Variants in CBFA2T2 observed in about 807,000 individuals in gnomAD.
CBFA2T2 encodes the protein CBFA2/RUNX1 partner transcriptional co-repressor 2.
Under a neutral mutation model 62.2 loss-of-function variants are expected in CBFA2T2, and 11 were observed. The observed-to-expected ratio is 0.18, with a 90% CI of 0.11 to 0.29. The LOEUF (loss-of-function observed/expected upper bound fraction) is 0.29, where lower values mean the gene tolerates loss of function less well. Ranked by LOEUF, CBFA2T2 falls within the 10% of genes least tolerant of loss-of-function variation. The pLI, the probability that CBFA2T2 is intolerant of heterozygous loss-of-function variation, is 1.00. For missense variants in CBFA2T2, 592 were observed against 774.1 expected (o/e 0.76, Z 2.79); for synonymous variants, 295 against 287.5 (o/e 1.03, Z -0.27).
chr20:33,608,160 A>G (rs1735845766), intron 2 of CBFA2T2, among the ~76,000 whole-genome samples: 1 of 152,230 alleles, frequency 6.6e-6, no homozygotes, highest in African/African-American at 2.4e-5. Context: ...AAAGAACCCC[A>G]AATAAACTAG....
At chr20:33,613,392 G>C (rs766022118) in intron 3 of CBFA2T2, among the ~76,000 whole-genome samples, 2 of 152,202 alleles carry the variant, frequency 1.3e-5, no homozygotes, top group Non-Finnish European at 2.9e-5. Flanking sequence ...CTATTACAGA[G>C]GCATAGTAAG....
chr20:33,637,670 C>CTT (rs561146788), intron 9 of CBFA2T2, among the ~76,000 whole-genome samples: 4 of 141,960 alleles, frequency 2.8e-5, no homozygotes, highest in South Asian at 2.2e-4. Context: ...CTCACTTTTC[C>CTT]TTTTTTTTTT....
chr20:33,528,360 T>C (rs1414214358), intron 1 of CBFA2T2, among the ~76,000 whole-genome samples: 1 of 152,186 alleles, frequency 6.6e-6, no homozygotes, highest in African/African-American at 2.4e-5. Context: ...ATAAAGGAAG[T>C]GATCAGTAAA....
In CBFA2T2 at chr20:33,540,002, G is replaced by A. The variant is rs148049438; in HGVS notation, c.34+49701G>A. Among the ~76,000 whole-genome samples the A allele has an allele frequency of 8.6e-4, 131 of 152,212 alleles. 1 individual carries two copies. The Middle Eastern group carries it at 0.02, about 24-fold the overall frequency. ...TTTTTTGGTCAGATTTAGGTTTTAG[G>A]AGTGAAGTAAGTTGAATTTTACATG... is the stretch of plus-strand genomic sequence containing the variant. On this transcript the variant is annotated intron_variant, in intron 1 of 10. Transcript: ENST00000342704.
chr20:33,558,171 G>A (rs1331582982), intron 1 of CBFA2T2, among the ~76,000 whole-genome samples: 2 of 148,278 alleles, frequency 1.3e-5, no homozygotes, highest in Non-Finnish European at 3.0e-5. Context: ...TCTCACTCTC[G>A]CTCAGGCTGG....
intron 1 of CBFA2T2, among the ~76,000 whole-genome samples, chr20:33,491,300 A>C (rs924007933): frequency 1.3e-5 from 2 of 152,204 alleles, no homozygotes; most frequent in African/African-American, 2.4e-5. Context: ...AACAAGATAG[A>C]CCGAACTGGG....
At position 33,642,116 on chromosome 20, in the gene CBFA2T2, T is replaced by TTTTG. The variant is rs1313728159; in HGVS notation, c.1488+1586_1488+1587insTTGT. Among the ~76,000 whole-genome samples the TTTTG allele has an allele frequency of 9.5e-3, 560 of 58,818 alleles. 2 individuals carry two copies. Among genetic ancestry groups the TTTTG allele is most frequent in the African/African-American group, 0.018 (267 of 14,476 alleles). 38.6% of individuals were successfully genotyped at this position (58,818 alleles called of 152,430 possible). On this transcript the variant is annotated intron_variant, in intron 10 of 10. Transcript: ENST00000342704. Reference sequence around the variant, plus strand: ...TCCTCCTCCTTTGTCTTTTTTTTTTTTGTGTGTGTGTGTGTGTGTGTGTGT... The same window carrying TTTTG: ...TCCTCCTCCTTTGTCTTTTTTTTTTTTTTGTGTGTGTGTGTGTGTGTGTGTGTGT...
At position 33,640,393 on chromosome 20, in the gene CBFA2T2, C is replaced by G. The variant is rs117096676; in HGVS notation, c.1350C>G (p.Ala450=). 1,735 of 1,614,168 alleles carry G rather than the reference C, an allele frequency of 1.1e-3. 77 individuals carry two copies. In the East Asian group the frequency reaches 0.038, roughly 36 times the overall value. ...AGGCCATGTCAGAAGTACAGAAGGC[C>G]GTCGCTGAGGCAGAGCAGAAAGCCT... ...KIQAMSEVQK[A]VAEAEQKAFE... is the part of the protein sequence containing the mutation. The change falls in exon 10 of 11, where the codon GCC becomes GCG. Residue 450 remains alanine (A), a synonymous_variant. Transcript: ENST00000342704.
chr20:33,522,063 A>G (rs2011744720), intron 1 of CBFA2T2, among the ~76,000 whole-genome samples: 1 of 152,102 alleles, frequency 6.6e-6, no homozygotes, highest in Non-Finnish European at 1.5e-5. Context: ...TAGGCAACAT[A>G]GAACAAAATA....
intron 4 of CBFA2T2, among the ~76,000 whole-genome samples, chr20:33,622,284 T>C (rs1158151249): frequency 1.3e-5 from 2 of 152,236 alleles, no homozygotes; most frequent in African/African-American, 4.8e-5. Context: ...GCCTGCTAAA[T>C]TAACCCTCAG....
intron 3 of CBFA2T2, among the ~76,000 whole-genome samples, chr20:33,618,893 C>A (rs561043514): frequency 9.9e-5 from 15 of 152,282 alleles, no homozygotes; most frequent in African/African-American, 3.4e-4. Context: ...CAGAGTGCCT[C>A]TCTTCATGGG....
At chr20:33,625,196 T>C (rs961203419) in intron 6 of CBFA2T2, among the ~76,000 whole-genome samples, 179 bp downstream of exon 6, 6 of 152,240 alleles carry the variant, frequency 3.9e-5, no homozygotes, top group Admixed American at 3.3e-4. Context: ...GATACCTTGT[T>C]GCTATGATAT....
intron 1 of CBFA2T2, among the ~76,000 whole-genome samples, chr20:33,606,171 T>C (rs2015332528): frequency 6.6e-6 from 1 of 152,190 alleles, no homozygotes; most frequent in South Asian, 2.1e-4. Context: ...TGTCTTGCAG[T>C]TGAGGCCTAA....
Position 33,574,743 on chromosome 20 carries a change from A to G in CBFA2T2, c.35-32213A>G, listed in dbSNP as rs2013745489. ...GGCAAAAGAAGAATTTCATGGGGGT[A>G]TTTTGAGATGAGTATGATCAATCTA... On this transcript the variant is annotated intron_variant, in intron 1 of 10. Transcript: ENST00000342704. 2.0e-5 allele frequency among the ~76,000 whole-genome samples: 3 copies of G among 152,354 alleles called. No homozygotes were observed. The South Asian group carries it at 6.2e-4, about 32-fold the overall frequency.
At chr20:33,492,718 C>T (rs1453894356) in intron 1 of CBFA2T2, among the ~76,000 whole-genome samples, 2 of 151,898 alleles carry the variant, frequency 1.3e-5, no homozygotes, top group Non-Finnish European at 2.9e-5. Flanking sequence ...GCTTTGTTGC[C>T]CATGCTAGTC....
chr20:33,594,201 C>G (rs1275665538), intron 1 of CBFA2T2, among the ~76,000 whole-genome samples: 2 of 152,112 alleles, frequency 1.3e-5, no homozygotes, highest in African/African-American at 4.8e-5. Context: ...GCTGGACTGT[C>G]AGAATTTACT....
rs868565151 is a variant in CBFA2T2 at position 33,606,973 on chromosome 20, G to A, written c.52G>A (p.Val18Met). The change falls in exon 2 of 11, where the codon GTG becomes ATG. Residue 18 changes from valine to methionine, a missense_variant. Transcript: ENST00000342704. ...AAFQLGPEKR[V>M]PAMPGSPVEV... Reference sequence around the variant, plus strand: ...CTCTGCAGTTGGTCCTGAGAAAAGGGTGCCAGCGATGCCTGGATCGCCTGT... The same window carrying A: ...CTCTGCAGTTGGTCCTGAGAAAAGGATGCCAGCGATGCCTGGATCGCCTGT... 6.2e-7 allele frequency: 1 copy of A among 1,613,734 alleles called. No homozygotes were observed. The highest frequency in any genetic ancestry group is 8.5e-7 in the Non-Finnish European group (1 of 1,179,764).
Position 33,611,012 on chromosome 20 carries a change from C to T in CBFA2T2, c.179-82C>T, listed in dbSNP as rs999389829. 3.1e-5 allele frequency: 49 copies of T among 1,559,548 alleles called. No individual in the cohort carries two copies. The South Asian group carries it at 3.3e-4, about 10-fold the overall frequency. On this transcript the variant is annotated intron_variant, in intron 2 of 10. Coordinates refer to ENST00000342704, the MANE Select transcript of CBFA2T2 (RefSeq NM_001032999.3). The stretch of plus-strand genomic sequence containing the variant: ...GCTTTACAAAATTCAAATGAACAAA[C>T]GAAAATACAAACAAGAAAAAATGAA...
Position 33,582,445 on chromosome 20 carries a change from G to A in CBFA2T2, c.35-24511G>A, listed in dbSNP as rs556989766. On this transcript the variant is annotated intron_variant, in intron 1 of 10. Coordinates refer to ENST00000342704, the MANE Select transcript of CBFA2T2 (RefSeq NM_001032999.3). ...AGAGGTTGCAGTGAGCCGAGACCAC[G>A]CCATTGCACTCCAGCCTGGGCAACA... Among the ~76,000 whole-genome samples the A allele has an allele frequency of 1.3e-4, 20 of 151,568 alleles. No individual in the cohort carries two copies. The South Asian group carries it at 1.5e-3, about 11-fold the overall frequency.
Sources: gnomAD v4.1 joint callset for allele counts (sites outside exome capture counted in the v4.1 genomes callset) on GRCh38, gnomAD v4.1.1 for gene constraint, MANE v1.5 for transcripts, NCBI Gene and HGNC (gene_info 2026-07-23, HGNC 2026-07-21) for gene names.